IGF2BP2: variants seen among roughly 807,000 people sequenced by gnomAD.
IGF2BP2 encodes the protein insulin-like growth factor 2 mRNA-binding protein 2.
Under a neutral mutation model 75.8 loss-of-function variants are expected in IGF2BP2, and 17 were observed. That is an observed-to-expected ratio of 0.22 (90% CI 0.15 to 0.34). The LOEUF is 0.34. Ranked by LOEUF, IGF2BP2 falls within the 10% of genes least tolerant of loss-of-function variation. The pLI, the probability that IGF2BP2 is intolerant of heterozygous loss-of-function variation, is 1.00. For missense variants in IGF2BP2, 516 were observed against 772.4 expected (o/e 0.67, Z 3.93); for synonymous variants, 288 against 295.6 (o/e 0.97, Z 0.26).
chr3:185,701,060 G>T (rs1246270920), intron 2 of IGF2BP2, among the ~76,000 whole-genome samples: 1 of 152,080 alleles, frequency 6.6e-6, no homozygotes, highest in Non-Finnish European at 1.5e-5. Flanking sequence ...GTTGGTAAAA[G>T]AATACTTTTA....
chr3:185,723,909 C>A (rs1278317335), intron 2 of IGF2BP2, among the ~76,000 whole-genome samples: 1 of 152,188 alleles, frequency 6.6e-6, no homozygotes, highest in Non-Finnish European at 1.5e-5. Flanking sequence ...AGAGAAAACA[C>A]CATCGAGCAA....
intron 2 of IGF2BP2, among the ~76,000 whole-genome samples, chr3:185,749,697 A>G (rs1333566341): frequency 1.3e-5 from 2 of 152,210 alleles, no homozygotes; most frequent in Non-Finnish European, 2.9e-5. Flanking sequence ...TTTACTACCC[A>G]GTGTAAAAAG....
At chr3:185,671,348 C>A (rs796200467) in intron 10 of IGF2BP2, among the ~76,000 whole-genome samples, 11 of 152,094 alleles carry the variant, frequency 7.2e-5, no homozygotes, top group African/African-American at 2.2e-4. Flanking sequence ...GAGATGGAGA[C>A]CATCCTGGCC....
chr3:185,649,714 G>A (rs570120081), intron 13 of IGF2BP2, among the ~76,000 whole-genome samples, 180 bp from the exon 14 acceptor site: 13 of 152,302 alleles, frequency 8.5e-5, no homozygotes, highest in East Asian at 1.9e-4. Context: ...CGCTGCTCCC[G>A]CCACGTCAGA....
chr3:185,801,307 T>C (rs375045970), intron 2 of IGF2BP2, among the ~76,000 whole-genome samples: 1 of 151,972 alleles, frequency 6.6e-6, no homozygotes, highest in African/African-American at 2.4e-5. Flanking sequence ...CTAACCAACA[T>C]GGAGAAACCC....
intron 10 of IGF2BP2, among the ~76,000 whole-genome samples, chr3:185,667,769 C>T (rs189669445): frequency 2.0e-5 from 3 of 152,114 alleles, no homozygotes; most frequent in Non-Finnish European, 4.4e-5. Flanking sequence ...CATTTTATTG[C>T]GTTTGGCTTT....
At chr3:185,751,804 A>G (rs749078079) in intron 2 of IGF2BP2, among the ~76,000 whole-genome samples, 1 of 151,844 alleles carries the variant, frequency 6.6e-6, no homozygotes, top group Non-Finnish European at 1.5e-5. Context: ...CTCTACTACA[A>G]ATACAAAAAT....
At chr3:185,783,157 C>A (rs1002603775) in intron 2 of IGF2BP2, among the ~76,000 whole-genome samples, 4 of 152,192 alleles carry the variant, frequency 2.6e-5, no homozygotes, top group Non-Finnish European at 2.9e-5. Context: ...TTGAGACACA[C>A]AAGATACTTG....
At chr3:185,775,064 C>T (rs11916164) in intron 2 of IGF2BP2, among the ~76,000 whole-genome samples, 3,024 of 151,834 alleles carry the variant, frequency 0.02, 112 homozygotes, top group African/African-American at 0.069. Flanking sequence ...GATTTTGGCT[C>T]CAACACTTGT....
chr3:185,725,524 G>A (rs776653676), intron 2 of IGF2BP2, among the ~76,000 whole-genome samples: 16 of 152,234 alleles, frequency 1.1e-4, no homozygotes, highest in East Asian at 1.9e-4. Flanking sequence ...AACTACTAGC[G>A]GAACTTGACA....
intron 7 of IGF2BP2, among the ~76,000 whole-genome samples, chr3:185,682,338 T>G (rs1375971030): frequency 6.6e-6 from 1 of 152,182 alleles, no homozygotes; most frequent in Non-Finnish European, 1.5e-5. Flanking sequence ...ATTAGTGGGT[T>G]GAGGGATAGT....
chr3:185,764,916 A>G (rs1732849580), intron 2 of IGF2BP2, among the ~76,000 whole-genome samples: 1 of 152,126 alleles, frequency 6.6e-6, no homozygotes, highest in Non-Finnish European at 1.5e-5. Context: ...AAAATCTGGA[A>G]GGACACTGGC....
chr3:185,645,494 A>C lies in IGF2BP2; in HGVS notation c.*37T>G, dbSNP rs1713353433. ...CATTCTGTCAGGTGTTGGAAGGGCT[A>C]CATTCATCCGTTGTTTTGCTGGTGC... On this transcript the variant is annotated 3_prime_UTR_variant, in exon 16 of 16. Coordinates refer to ENST00000382199, the MANE Select transcript of IGF2BP2 (RefSeq NM_006548.6). This position sits in a 1 kb window ranked among gnomAD's most constrained non-coding sequence, Gnocchi z 4.9. 1 of 1,399,332 alleles carries C rather than the reference A, an allele frequency of 7.1e-7. No homozygotes were observed. The highest frequency in any genetic ancestry group is 1.0e-6 in the Non-Finnish European group (1 of 984,708). 86.7% of individuals were successfully genotyped at this position (1,399,332 alleles called of 1,614,324 possible).
chr3:185,806,031 T>G (rs1460541871), intron 2 of IGF2BP2, among the ~76,000 whole-genome samples: 2 of 151,996 alleles, frequency 1.3e-5, no homozygotes, highest in Non-Finnish European at 2.9e-5. Context: ...CGCCTCAGCC[T>G]GATCTCAGGT....
At chr3:185,744,509 A>G (rs1729982084) in intron 2 of IGF2BP2, among the ~76,000 whole-genome samples, 1 of 152,192 alleles carries the variant, frequency 6.6e-6, no homozygotes, top group East Asian at 1.9e-4. Context: ...CTTAGTTTTT[A>G]TAAAATTGGA....
At chr3:185,700,395 G>A (rs1366902189) in intron 2 of IGF2BP2, among the ~76,000 whole-genome samples, 1 of 152,032 alleles carries the variant, frequency 6.6e-6, no homozygotes, top group Non-Finnish European at 1.5e-5. Context: ...CCTTACTAGG[G>A]CTGCTTTAAT....
rs751056375 is a variant in IGF2BP2, at chr3:185,643,194, G to A, written c.*2337C>T. Among the ~76,000 whole-genome samples the A allele has an allele frequency of 3.3e-5, 5 of 152,172 alleles. No individual in the cohort carries two copies. Among genetic ancestry groups the A allele is most frequent in the Non-Finnish European group, 4.4e-5 (3 of 68,026 alleles). Reference sequence around the variant, plus strand: ...TGTGGTGGTCTGGAACTGAACCTGCGACGTTCCTGAGGTATGCCTGCACTT... The same window carrying A: ...TGTGGTGGTCTGGAACTGAACCTGCAACGTTCCTGAGGTATGCCTGCACTT... On this transcript the variant is annotated 3_prime_UTR_variant, in exon 16 of 16. Transcript: ENST00000382199.
At chr3:185,791,735 T>C (rs1278457536) in intron 2 of IGF2BP2, among the ~76,000 whole-genome samples, 1 of 152,242 alleles carries the variant, frequency 6.6e-6, no homozygotes, top group Non-Finnish European at 1.5e-5. Flanking sequence ...TATGCTTAAA[T>C]ATCCTAACCA....
At chr3:185,774,588 C>A (rs1275373483) in intron 2 of IGF2BP2, among the ~76,000 whole-genome samples, 2 of 122,726 alleles carry the variant, frequency 1.6e-5, no homozygotes, top group African/African-American at 8.2e-5. Context: ...GAGCGAGACT[C>A]TGTCTCAAAA....
Sources: allele counts gnomAD v4.1 joint callset (sites outside exome capture counted in the v4.1 genomes callset), GRCh38; gene constraint gnomAD v4.1.1; non-coding constraint Gnocchi (gnomAD v3.1); transcripts MANE v1.5; gene names NCBI Gene and HGNC (gene_info 2026-07-23, HGNC 2026-07-21).